CDKAL1: variants seen among roughly 807,000 people sequenced by gnomAD.
CDKAL1 encodes the protein threonylcarbamoyladenosine tRNA methylthiotransferase.
In CDKAL1, 32 loss-of-function variants were observed where a neutral mutation model predicts 68.2. That is an observed-to-expected ratio of 0.47 (90% confidence interval 0.35 to 0.63). The LOEUF is 0.63. Among genes scored for constraint, CDKAL1 ranks in the 30% least tolerant of loss-of-function variants. The probability of loss-of-function intolerance (pLI) is 0.00; values close to 1 mark genes in which losing one functional copy is unlikely to be tolerated. For synonymous variants in CDKAL1, 234 were observed against 244.3 expected (o/e 0.96, Z 0.39); for missense variants, 606 against 696.7 (o/e 0.87, Z 1.47).
At chr6:20,545,131 TG>T (rs1763547409) in intron 2 of CDKAL1, among the ~76,000 whole-genome samples, 1 of 151,964 alleles carries the variant, frequency 6.6e-6, no homozygotes, top group Non-Finnish European at 1.5e-5. Flanking sequence ...CATTTCTGAT[TG>T]CTGGGATCTT....
intron 15 of CDKAL1, among the ~76,000 whole-genome samples, chr6:21,224,287 A>G (rs74378861): frequency 0.026 from 3,974 of 152,286 alleles, 170 homozygotes; most frequent in African/African-American, 0.09. Context: ...AAAGGTCCTG[A>G]TAAAAATAAC....
chr6:21,110,836 T>C (rs1774083819), intron 13 of CDKAL1, among the ~76,000 whole-genome samples: 1 of 152,110 alleles, frequency 6.6e-6, no homozygotes, highest in Non-Finnish European at 1.5e-5. Flanking sequence ...GGCATGGTAT[T>C]GCACACCTGT....
chr6:21,215,039 T>A (rs1299769203), intron 15 of CDKAL1, among the ~76,000 whole-genome samples: 1 of 152,184 alleles, frequency 6.6e-6, no homozygotes, highest in Non-Finnish European at 1.5e-5. Context: ...AGAACTGCAG[T>A]GGGGCTCAGC....
At chr6:20,641,381 G>A (rs917584840) in intron 4 of CDKAL1, among the ~76,000 whole-genome samples, 5 of 151,840 alleles carry the variant, frequency 3.3e-5, no homozygotes, top group Non-Finnish European at 7.4e-5. Context: ...CCCTTCTCAG[G>A]ATTAAGCATT....
chr6:20,620,347 T>G lies in CDKAL1; in HGVS notation c.287-28946T>G, dbSNP rs192100079. Among the ~76,000 whole-genome samples, 221 of 152,346 alleles carry G rather than the reference T, an allele frequency of 1.5e-3. 3 individuals are homozygous for G. The highest frequency in any genetic ancestry group is 3.0e-3 in the Admixed American group (46 of 15,288). On this transcript the variant is annotated intron_variant, in intron 4 of 15. Transcript: ENST00000274695. ...GAATTTAGAATTATTGAAAATAGCA[T>G]AAATTCTTAAAGAATTTAAATGTTT...
intron 8 of CDKAL1, among the ~76,000 whole-genome samples, chr6:20,843,555 G>A (rs984027567): frequency 1.3e-5 from 2 of 152,008 alleles, no homozygotes; most frequent in African/African-American, 4.8e-5. Flanking sequence ...TATGTTTCAT[G>A]TGCACCTTAT....
chr6:21,195,508 T>C (rs1778434547), intron 13 of CDKAL1, among the ~76,000 whole-genome samples: 1 of 146,712 alleles, frequency 6.8e-6, no homozygotes, highest in Admixed American at 6.9e-5. Context: ...TTTATTTATT[T>C]ATTTATTTAT....
chr6:20,803,780 T>C (rs1346870230), intron 8 of CDKAL1, among the ~76,000 whole-genome samples: 4 of 151,988 alleles, frequency 2.6e-5, no homozygotes, highest in Non-Finnish European at 5.9e-5. Flanking sequence ...AAATAGAAAA[T>C]AATTTTATAT....
intron 9 of CDKAL1, among the ~76,000 whole-genome samples, chr6:20,923,336 G>A (rs540670457): frequency 6.6e-6 from 1 of 152,310 alleles, no homozygotes; most frequent in Non-Finnish European, 1.5e-5. Flanking sequence ...CGTGCTTCAA[G>A]CAATTCTCTC....
At chr6:20,862,020 T>C (rs999654698) in intron 9 of CDKAL1, among the ~76,000 whole-genome samples, 7 of 152,226 alleles carry the variant, frequency 4.6e-5, no homozygotes, top group African/African-American at 1.7e-4. Flanking sequence ...GCCAGACATA[T>C]TTTGTTACTT....
intron 15 of CDKAL1, among the ~76,000 whole-genome samples, chr6:21,205,732 T>C (rs528717679): frequency 0.018 from 2,682 of 150,556 alleles, 24 homozygotes; most frequent in Non-Finnish European, 0.023. Context: ...GGGGTTTCAC[T>C]GTGTTAGCCA....
chr6:20,986,224 C>A (rs1033517834), intron 10 of CDKAL1, among the ~76,000 whole-genome samples: 1 of 152,126 alleles, frequency 6.6e-6, no homozygotes, highest in Non-Finnish European at 1.5e-5. Context: ...ACCTAATGAT[C>A]TACTGTCAAG....
chr6:20,710,131 G>A (rs572941982), intron 5 of CDKAL1, among the ~76,000 whole-genome samples: 19 of 152,270 alleles, frequency 1.2e-4, no homozygotes, highest in African/African-American at 4.1e-4. Context: ...AGAGGATGCA[G>A]GGTGAAGTCA....
intron 5 of CDKAL1, among the ~76,000 whole-genome samples, chr6:20,706,334 T>TCTCTCAGTCTAACTTCTTTTCTTTA (rs1771594529): frequency 6.6e-6 from 1 of 151,952 alleles, no homozygotes; most frequent in Non-Finnish European, 1.5e-5. Flanking sequence ...GAAGAAAAAA[T>TCTCTCAGTCTAACTTCTTTTCTTTA]CTCTCAGTCT....
At chr6:20,643,195 G>A (rs561205526) in intron 4 of CDKAL1, among the ~76,000 whole-genome samples, 3 of 151,938 alleles carry the variant, frequency 2.0e-5, no homozygotes, top group African/African-American at 4.8e-5. Context: ...CCCTTCCCTG[G>A]TCCACTCTTG....
At chr6:20,905,493 T>C (rs1421030333) in intron 9 of CDKAL1, among the ~76,000 whole-genome samples, 1 of 152,070 alleles carries the variant, frequency 6.6e-6, no homozygotes, top group Non-Finnish European at 1.5e-5. Flanking sequence ...TTGTGGAAAT[T>C]CCAGAAGAGA....
At chr6:20,697,442 C>G (rs10946401) in intron 5 of CDKAL1, among the ~76,000 whole-genome samples, 1 of 151,830 alleles carries the variant, frequency 6.6e-6, no homozygotes, top group Non-Finnish European at 1.5e-5. Context: ...AAAGAGAAGG[C>G]CACTTTTTTT....
At chr6:20,902,223 G>C (rs1302187730) in intron 9 of CDKAL1, among the ~76,000 whole-genome samples, 1 of 151,948 alleles carries the variant, frequency 6.6e-6, no homozygotes, top group African/African-American at 2.4e-5. Context: ...AGGATCAGTA[G>C]CTGCTGTGTG....
intron 4 of CDKAL1, among the ~76,000 whole-genome samples, chr6:20,603,705 C>G (rs983462473): frequency 6.6e-6 from 1 of 150,456 alleles, no homozygotes; most frequent in Non-Finnish European, 1.5e-5. Context: ...TTGTTGCCTA[C>G]TATGTCTGCA....
Sources: gnomAD v4.1 joint callset for allele counts (sites outside exome capture counted in the v4.1 genomes callset) on GRCh38, gnomAD v4.1.1 for gene constraint, MANE v1.5 for transcripts, NCBI Gene and HGNC (gene_info 2026-07-23, HGNC 2026-07-21) for gene names.